BACH2: variants seen among roughly 807,000 people sequenced by gnomAD.
The protein encoded by BACH2 is transcription regulator protein BACH2.
Under a neutral mutation model 61.8 loss-of-function variants are expected in BACH2, and 5 were observed. The ratio of observed to expected loss-of-function variants is 0.08; its 90% CI spans 0.04 to 0.17. The LOEUF (loss-of-function observed/expected upper bound fraction) is 0.17. BACH2 is among the 10% of genes least tolerant of loss of function. BACH2 has a pLI of 1.00. For synonymous variants in BACH2, 446 were observed against 440.1 expected, an observed-to-expected ratio of 1.01 and a Z score of -0.17; for missense variants, 824 against 1,091.1, an observed-to-expected ratio of 0.76 and a Z score of 3.45.
Position 90,008,350 on chromosome 6 carries a change from G to A in BACH2, c.243+252C>T. 1.8e-6 allele frequency: 1 copy of A among 547,612 alleles called. No homozygotes were observed. The highest frequency in any genetic ancestry group is 3.3e-6 in the Non-Finnish European group (1 of 306,662). The allele number at this position is 547,612 out of a possible 1,614,324, so 33.9% of individuals were successfully genotyped here. On this transcript the variant is annotated intron_variant, in intron 6 of 8. Coordinates refer to ENST00000257749, the MANE Select transcript of BACH2 (RefSeq NM_021813.4). This position sits in a 1 kb window ranked among gnomAD's most constrained non-coding sequence, Gnocchi z 4.1. Reference sequence around the variant, plus strand: ...ACCACTCAAAACCTGAAGGGTAAGTGAACTAGAAACTACAAGTGACTGAGC... The same window carrying A: ...ACCACTCAAAACCTGAAGGGTAAGTAAACTAGAAACTACAAGTGACTGAGC...
rs560051323 is a variant in BACH2, at chr6:90,253,893, CTATTT to C, written c.-352-1308_-352-1304del. On this transcript the variant is annotated intron_variant, in intron 2 of 8. Transcript: ENST00000257749. ...CATAAATGAAAACATCATTGCCGAA[CTATTT>C]TTTTTAAACTATCATGGCACAAATT... 1.6e-4 allele frequency among the ~76,000 whole-genome samples: 22 copies of C among 139,750 alleles called. No homozygotes were observed. The South Asian group carries it at 4.1e-3, about 26-fold the overall frequency. The allele number at this position is 139,750 out of a possible 152,430, so 91.7% of individuals were successfully genotyped here.
intron 4 of BACH2, among the ~76,000 whole-genome samples, chr6:90,147,733 T>C (rs1454709820): frequency 6.6e-6 from 1 of 152,204 alleles, no homozygotes; most frequent in Non-Finnish European, 1.5e-5. Flanking sequence ...CTGAGCACCG[T>C]AATTGAAAAA....
At chr6:90,204,760 G>A (rs573195797) in intron 4 of BACH2, among the ~76,000 whole-genome samples, 2 of 152,298 alleles carry the variant, frequency 1.3e-5, no homozygotes, top group East Asian at 3.9e-4. Flanking sequence ...AAGGTTTGCA[G>A]CCATGGATCT....
intron 1 of BACH2, among the ~76,000 whole-genome samples, chr6:90,284,086 C>T (rs977456268): frequency 2.6e-5 from 4 of 152,228 alleles, no homozygotes; most frequent in African/African-American, 7.2e-5. Flanking sequence ...GTTGGTCTTA[C>T]AGTCTAGAAA....
At chr6:90,231,311 G>A (rs1770089303) in intron 3 of BACH2, among the ~76,000 whole-genome samples, 1 of 152,140 alleles carries the variant, frequency 6.6e-6, no homozygotes, top group African/African-American at 2.4e-5. Context: ...CAGTTGCTAA[G>A]TCTCAGACTA....
At chr6:90,025,406 T>A (rs1213816316) in intron 5 of BACH2, among the ~76,000 whole-genome samples, 1 of 152,242 alleles carries the variant, frequency 6.6e-6, no homozygotes, top group African/African-American at 2.4e-5. Flanking sequence ...ATATTGTCAC[T>A]TCCAGTTTGT....
intron 4 of BACH2, among the ~76,000 whole-genome samples, chr6:90,121,215 T>A (rs1237838673): frequency 6.6e-6 from 1 of 152,180 alleles, no homozygotes; most frequent in African/African-American, 2.4e-5. Flanking sequence ...GGCAAATAAC[T>A]GTTCATTTGC....
intron 5 of BACH2, among the ~76,000 whole-genome samples, chr6:90,027,985 T>C (rs1049838464): frequency 1.3e-5 from 2 of 152,240 alleles, no homozygotes; most frequent in Non-Finnish European, 2.9e-5. Context: ...GTTTGCCAGA[T>C]TCTCTTGCTT....
At chr6:90,126,476 T>G (rs1215193580) in intron 4 of BACH2, among the ~76,000 whole-genome samples, 10 of 151,922 alleles carry the variant, frequency 6.6e-5, no homozygotes, top group Non-Finnish European at 1.3e-4. Context: ...AGTTACGGGA[T>G]GAAGAGGGGA....
intron 6 of BACH2, among the ~76,000 whole-genome samples, chr6:89,984,798 A>G (rs1490758011): frequency 6.6e-6 from 1 of 152,194 alleles, no homozygotes; most frequent in Non-Finnish European, 1.5e-5. Context: ...TTCTTTAAAT[A>G]TAGTTTAAAA....
intron 5 of BACH2, among the ~76,000 whole-genome samples, chr6:90,024,483 T>C (rs1290732752): frequency 6.6e-6 from 1 of 152,214 alleles, no homozygotes; most frequent in Non-Finnish European, 1.5e-5. Context: ...AGATCTCGTG[T>C]TTTGTCTTCT....
chr6:90,270,712 A>T (rs934088841), intron 2 of BACH2, among the ~76,000 whole-genome samples: 4 of 152,328 alleles, frequency 2.6e-5, no homozygotes, highest in Admixed American at 2.6e-4. Context: ...TTCTTCATAG[A>T]ACTAGAAAAA....
intron 4 of BACH2, among the ~76,000 whole-genome samples, chr6:90,171,343 G>A (rs1346311146): frequency 6.6e-6 from 1 of 152,040 alleles, no homozygotes; most frequent in East Asian, 1.9e-4. Flanking sequence ...AACCCAGGAG[G>A]TGGAGGTTGC....
intron 4 of BACH2, among the ~76,000 whole-genome samples, chr6:90,094,473 A>G (rs1335603713): frequency 6.6e-6 from 1 of 152,178 alleles, no homozygotes; most frequent in Non-Finnish European, 1.5e-5. Flanking sequence ...GTTGCTCTCA[A>G]TGTCCTCCTG....
At chr6:90,210,347 ACACG>A (rs1429215680) in intron 3 of BACH2, among the ~76,000 whole-genome samples, 3 of 144,702 alleles carry the variant, frequency 2.1e-5, no homozygotes, top group Admixed American at 7.1e-5. Context: ...ACACACACAC[ACACG>A]CACATGCACA....
intron 6 of BACH2, among the ~76,000 whole-genome samples, chr6:89,981,475 C>T (rs1332727101): frequency 6.6e-6 from 1 of 152,112 alleles, no homozygotes; most frequent in Non-Finnish European, 1.5e-5. Flanking sequence ...AGAGAGAACA[C>T]ATTCTCAGTG....
intron 4 of BACH2, among the ~76,000 whole-genome samples, chr6:90,141,763 T>C (rs1784469613): frequency 6.6e-6 from 1 of 152,192 alleles, no homozygotes; most frequent in Non-Finnish European, 1.5e-5. Context: ...TTTGTAAGTG[T>C]TTTCTGAAAT....
chr6:90,105,289 C>T (rs925149343), intron 4 of BACH2, among the ~76,000 whole-genome samples: 1 of 152,224 alleles, frequency 6.6e-6, no homozygotes, highest in Non-Finnish European at 1.5e-5. Context: ...GAACACTGTG[C>T]TGAAGACAGC....
intron 4 of BACH2, among the ~76,000 whole-genome samples, chr6:90,108,890 C>G (rs1429554613): frequency 6.6e-6 from 1 of 152,178 alleles, no homozygotes; most frequent in Non-Finnish European, 1.5e-5. Context: ...TTCCCCTCCT[C>G]AGGAATCAAT....
Sources: gnomAD v4.1 joint callset for allele counts (sites outside exome capture counted in the v4.1 genomes callset) on GRCh38, gnomAD v4.1.1 for gene constraint, Gnocchi (gnomAD v3.1) non-coding constraint, MANE v1.5 for transcripts, NCBI Gene and HGNC (gene_info 2026-07-23, HGNC 2026-07-21) for gene names.